CHFR: variants seen among roughly 807,000 people sequenced by gnomAD.
CHFR encodes E3 ubiquitin-protein ligase CHFR.
A neutral mutation model predicts 87.6 loss-of-function variants in CHFR; 57 were observed. That is an observed-to-expected ratio of 0.65 (90% CI 0.53 to 0.81). The LOEUF (loss-of-function observed/expected upper bound fraction) is 0.81, where lower values mean the gene tolerates loss of function less well. CHFR is among the 30% of genes least tolerant of loss of function. CHFR has a pLI of 0.00. For missense variants in CHFR, 797 were observed against 865.8 expected, an observed-to-expected ratio of 0.92 and a Z score of 1.00; for synonymous variants, 381 against 359.2, an observed-to-expected ratio of 1.06 and a Z score of -0.69.
chr12:132,857,078 C>T (rs565784649), intron 9 of CHFR, among the ~76,000 whole-genome samples: 4 of 118,590 alleles, frequency 3.4e-5, no homozygotes, highest in South Asian at 6.2e-4. Context: ...ACCACCCTCA[C>T]GTGCCCGGGT....
At position 132,841,427 on chromosome 12, in the gene CHFR, C is replaced by G. The variant is rs950536054; in HGVS notation, c.*127G>C. ...TCCACAGAAGAGTCACCCCAGAGCA[C>G]CTGTCGGAGACCCTGCGTCCCTTCC... On this transcript the variant is annotated 3_prime_UTR_variant, in exon 18 of 18. Coordinates refer to ENST00000450056, the MANE Select transcript of CHFR (RefSeq NM_001161346.2). 7.4e-6 allele frequency: 6 copies of G among 812,600 alleles called. No individual in the cohort carries two copies. Among genetic ancestry groups the G allele is most frequent in the Middle Eastern group, 2.3e-4 (1 of 4,374 alleles). The allele number at this position is 812,600 out of a possible 1,614,324, so 50.3% of individuals were successfully genotyped here.
chr12:132,878,077 C>T (rs1416626138), intron 2 of CHFR, among the ~76,000 whole-genome samples: 5 of 151,728 alleles, frequency 3.3e-5, no homozygotes, highest in Admixed American at 3.3e-4. Context: ...GCTGAGATTA[C>T]AGGCGTGAGC....
intron 6 of CHFR, among the ~76,000 whole-genome samples, chr12:132,865,294 G>C (rs540812591): frequency 6.6e-6 from 1 of 152,206 alleles, no homozygotes; most frequent in Non-Finnish European, 1.5e-5. Context: ...ATACGATGAA[G>C]GGTACACAGC....
chr12:132,865,301 C>G (rs1006151128), intron 6 of CHFR, among the ~76,000 whole-genome samples: 10 of 152,298 alleles, frequency 6.6e-5, no homozygotes, highest in African/African-American at 2.4e-4. Flanking sequence ...GAAGGGTACA[C>G]AGCCCAAGAG....
In CHFR at chr12:132,834,413, A is replaced by T. The variant is rs1199295515; in HGVS notation, c.*7141T>A. On this transcript the variant is annotated 3_prime_UTR_variant, in exon 18 of 18. Transcript: ENST00000450056. ...GGACCCTTCCTGAAAACAAAAACCAAACGGGATGAGTGTGTGGGGGGTAGT... is the reference window on the plus strand; with the variant it reads ...GGACCCTTCCTGAAAACAAAAACCATACGGGATGAGTGTGTGGGGGGTAGT... The T allele has an allele frequency of 6.6e-6, 1 of 152,286 alleles. No homozygotes were observed. The highest frequency in any genetic ancestry group is 1.5e-5 in the Non-Finnish European group (1 of 68,162). 9.4% of individuals were successfully genotyped at this position (152,286 alleles called of 1,614,324 possible). A position where few individuals can be genotyped will look rare whatever the true frequency, so the allele number is the denominator to read the frequency against.
Position 132,872,373 on chromosome 12 carries a change from G to A in CHFR, c.255C>T (p.Asn85=). 1 of 1,612,346 alleles carries A rather than the reference G, an allele frequency of 6.2e-7. No homozygotes were observed. Among genetic ancestry groups the A allele is most frequent in the South Asian group, 1.1e-5 (1 of 91,038 alleles). ...TCTGCTTCTTAACAACCTTCAGCTT[G>A]TTAATCACTGTTCCACTGGTGCTGT... ...EDTSTSGTVI[N]KLKVVKKQTC... Residue 85 remains asparagine (N), a synonymous_variant, in exon 4 of 18, where the codon AAC becomes AAT. Transcript: ENST00000450056.
At chr12:132,852,737 G>A (rs982744301) in intron 11 of CHFR, among the ~76,000 whole-genome samples, 1 of 152,242 alleles carries the variant, frequency 6.6e-6, no homozygotes, top group African/African-American at 2.4e-5. Flanking sequence ...TGTCCGTTCC[G>A]TCCACGGGTT....
chr12:132,867,899 C>G (rs1010417651), intron 6 of CHFR: 3 of 151,878 alleles, frequency 2.0e-5, no homozygotes, highest in Non-Finnish European at 4.4e-5. Flanking sequence ...AAAGATTTTT[C>G]TATTAAACTG....
At chr12:132,862,253 C>G (rs1951227108) in intron 6 of CHFR, 1 of 244,204 alleles carries the variant, frequency 4.1e-6, no homozygotes, top group South Asian at 3.6e-5. Context: ...CCAGCCTGGG[C>G]AACAAGAGCG....
At chr12:132,875,363 C>T (rs1378254531) in intron 3 of CHFR, among the ~76,000 whole-genome samples, 4 of 152,248 alleles carry the variant, frequency 2.6e-5, no homozygotes, top group Middle Eastern at 3.4e-3. Context: ...ACATTCTGGC[C>T]GGGTGTGGGG....
At chr12:132,861,426 G>A in intron 7 of CHFR, 41 bp downstream of exon 7, 1 of 1,598,376 alleles carries the variant, frequency 6.3e-7, no homozygotes, top group Non-Finnish European at 8.6e-7. Flanking sequence ...TGCCCCAGGA[G>A]CACACGAGAG....
intron 6 of CHFR, chr12:132,861,972 T>C (rs1315215437): frequency 4.0e-6 from 1 of 248,868 alleles, no homozygotes; most frequent in Admixed American, 4.7e-5. Flanking sequence ...TGTCATAAAC[T>C]TGTTACAACA....
At chr12:132,872,697 G>A (rs1020424950) in intron 3 of CHFR, among the ~76,000 whole-genome samples, 1 of 152,146 alleles carries the variant, frequency 6.6e-6, no homozygotes, top group East Asian at 1.9e-4. Flanking sequence ...CGGAGGCCTC[G>A]TCTACAGTGT....
rs1218731854 is a variant in CHFR, at chr12:132,836,818, C to T, written c.*4736G>A. On this transcript the variant is annotated 3_prime_UTR_variant, in exon 18 of 18. Coordinates refer to ENST00000450056, the MANE Select transcript of CHFR (RefSeq NM_001161346.2). Reference sequence around the variant, plus strand: ...ACGGCTCATCAGCTCATCAGACCTTCACCGTTCAGTAGCCAACTGGTCAGT... The same window carrying T: ...ACGGCTCATCAGCTCATCAGACCTTTACCGTTCAGTAGCCAACTGGTCAGT... The T allele has an allele frequency of 1.5e-5, 7 of 454,386 alleles. No individual in the cohort carries two copies. Among genetic ancestry groups the T allele is most frequent in the Non-Finnish European group, 3.1e-5 (7 of 225,970 alleles). The allele number at this position is 454,386 out of a possible 1,614,324, so 28.1% of individuals were successfully genotyped here.
chr12:132,853,473 C>T lies in CHFR; in HGVS notation c.1330G>A (p.Ala444Thr). The T allele has an allele frequency of 6.5e-7, 1 of 1,546,986 alleles. No homozygotes were observed. ...GACGTGGAGGGTGCATCCCCCAGGGCCTGTGGGGCTCCTGGCTCGCCCTCG... is the reference window on the plus strand; with the variant it reads ...GACGTGGAGGGTGCATCCCCCAGGGTCTGTGGGGCTCCTGGCTCGCCCTCG... ...APEGEPGAPQ[A>T]LGDAPSTSVS... The change falls in exon 11 of 18, where the codon GCC (alanine) becomes ACC (threonine). Residue 444 changes from alanine to threonine, a missense_variant. Ala to Thr is a moderately conservative substitution (Grantham distance 58). Coordinates refer to ENST00000450056, the MANE Select transcript of CHFR (RefSeq NM_001161346.2).
At chr12:132,856,363 C>CT in intron 10 of CHFR, 105 bp downstream of exon 10, 1 of 1,252,290 alleles carries the variant, frequency 8.0e-7, no homozygotes, top group Non-Finnish European at 1.1e-6. Context: ...CAGGGCAGAA[C>CT]TAGATCTCAG....
At chr12:132,855,854 T>G (rs1257342414) in intron 10 of CHFR, among the ~76,000 whole-genome samples, 1 of 96,934 alleles carries the variant, frequency 1.0e-5, no homozygotes, top group African/African-American at 2.7e-5. Context: ...GTTTCAAGTG[T>G]TTTTTTTTGT....
rs1950664767 is a variant in CHFR, at chr12:132,838,519, AC to A, written c.*3034del. 2.0e-5 allele frequency: 3 copies of A among 152,620 alleles called. 1 individual carries two copies. The highest frequency in any genetic ancestry group is 4.4e-5 in the Non-Finnish European group (3 of 68,318). 9.5% of individuals were successfully genotyped at this position (152,620 alleles called of 1,614,324 possible). A position where few individuals can be genotyped will look rare whatever the true frequency, so the allele number is the denominator to read the frequency against. ...CCGCTTCTGAGGGGCACCAGGGAGC[AC>A]AGAGGGAGCCGCAGATGAGGAGTGC... On this transcript the variant is annotated 3_prime_UTR_variant, in exon 18 of 18. Coordinates refer to ENST00000450056, the MANE Select transcript of CHFR (RefSeq NM_001161346.2).
At chr12:132,872,438 T>C in intron 3 of CHFR, 44 bp from the exon 4 acceptor site, 1 of 1,465,310 alleles carries the variant, frequency 6.8e-7, no homozygotes, top group South Asian at 1.1e-5. Context: ...TAAAATAACT[T>C]GGAGTTACAA....
Sources: allele counts gnomAD v4.1 joint callset (sites outside exome capture counted in the v4.1 genomes callset), GRCh38; gene constraint gnomAD v4.1.1; transcripts MANE v1.5; gene names NCBI Gene and HGNC (gene_info 2026-07-23, HGNC 2026-07-21).